The following CREB5 variants were observed in gnomAD, a reference collection of about 807,000 sequenced individuals.
CREB5 encodes cyclic AMP-responsive element-binding protein 5.
Under a neutral mutation model 57.1 loss-of-function variants are expected in CREB5, and 19 were observed. The ratio of observed to expected loss-of-function variants is 0.33; its 90% CI spans 0.23 to 0.49. CREB5 has a LOEUF of 0.49. Ranked by LOEUF, CREB5 falls within the 20% of genes least tolerant of loss-of-function variation. The pLI is 0.99. For synonymous variants in CREB5, 238 were observed against 238.3 expected (o/e 1.00, Z 0.01); for missense variants, 579 against 671.6 (o/e 0.86, Z 1.52).
At chr7:28,405,617 A>G (rs973512341) in intron 1 of CREB5, among the ~76,000 whole-genome samples, 31 of 152,044 alleles carry the variant, frequency 2.0e-4, no homozygotes, top group African/African-American at 7.2e-4. Context: ...CAGGCTGTCT[A>G]TGTTGCCCAA....
intron 1 of CREB5, among the ~76,000 whole-genome samples, chr7:28,324,399 T>C (rs1397747406): frequency 6.6e-6 from 1 of 152,162 alleles, no homozygotes; most frequent in African/African-American, 2.4e-5. Context: ...CAAGGCACCA[T>C]TACCTCCATG....
intron 5 of CREB5, among the ~76,000 whole-genome samples, chr7:28,648,337 A>T (rs185995759): frequency 1.3e-5 from 2 of 152,326 alleles, no homozygotes; most frequent in Admixed American, 1.3e-4. Context: ...CCTTTAAAAA[A>T]AGAGTATCCA....
intron 5 of CREB5, among the ~76,000 whole-genome samples, chr7:28,582,507 G>T (rs1411491500): frequency 6.6e-6 from 1 of 152,112 alleles, no homozygotes; most frequent in Admixed American, 6.5e-5. Flanking sequence ...TGTTTTCAAG[G>T]TGTTTCCATG....
In CREB5 at chr7:28,642,969, CACACACACACACACACAT is replaced by C. The variant is rs1314733319; in HGVS notation, c.464+72450_464+72467del. ...GTAGATTTACACACACACACACACA[CACACACACACACACACAT>C]ACACACACACACACACACACACACA... On this transcript the variant is annotated intron_variant, in intron 5 of 10. Transcript: ENST00000357727. Among the ~76,000 whole-genome samples the C allele has an allele frequency of 1.9e-3, 210 of 112,150 alleles. 1 individual carries two copies. Among genetic ancestry groups the C allele is most frequent in the Middle Eastern group, 4.5e-3 (1 of 222 alleles). 73.6% of individuals were successfully genotyped at this position (112,150 alleles called of 152,430 possible).
At chr7:28,366,446 A>C (rs1786588722) in intron 1 of CREB5, among the ~76,000 whole-genome samples, 1 of 152,086 alleles carries the variant, frequency 6.6e-6, no homozygotes, top group Non-Finnish European at 1.5e-5. Flanking sequence ...ACTACTACTT[A>C]TTGTTATTGT....
At chr7:28,668,325 C>A (rs1195154756) in intron 5 of CREB5, among the ~76,000 whole-genome samples, 1 of 152,094 alleles carries the variant, frequency 6.6e-6, no homozygotes, top group Non-Finnish European at 1.5e-5. Context: ...GCTTTGCATT[C>A]CAAAATGAAG....
At chr7:28,718,694 T>C (rs535845192) in intron 5 of CREB5, 59 bp from the exon 6 acceptor site, 3 of 1,601,510 alleles carry the variant, frequency 1.9e-6, no homozygotes, top group African/African-American at 1.3e-5. Flanking sequence ...TTCTGGACAC[T>C]GGGGAGACAG....
upstream of CREB5, chr7:28,410,077 C>G (rs187968108): frequency 2.5e-6 from 1 of 398,978 alleles, no homozygotes; most frequent in African/African-American, 2.1e-5. Context: ...GGTGGGCGCG[C>G]GCGCAGGGGG....
intron 5 of CREB5, among the ~76,000 whole-genome samples, chr7:28,639,464 C>T (rs1447594955): frequency 6.6e-6 from 1 of 152,118 alleles, no homozygotes; most frequent in Non-Finnish European, 1.5e-5. Flanking sequence ...CTTAGCTGCA[C>T]ATTTTTTCCT....
chr7:28,812,891 G>A (rs563694680), intron 9 of CREB5, among the ~76,000 whole-genome samples: 2 of 152,282 alleles, frequency 1.3e-5, no homozygotes, highest in East Asian at 1.9e-4. Flanking sequence ...AATATCCAAG[G>A]TCTGGATGGC....
At chr7:28,772,304 G>T (rs997802950) in intron 7 of CREB5, among the ~76,000 whole-genome samples, 1 of 152,182 alleles carries the variant, frequency 6.6e-6, no homozygotes, top group African/African-American at 2.4e-5. Flanking sequence ...AGCAATGAGG[G>T]CTGCAGGGTG....
At chr7:28,663,053 G>A (rs1011422577) in intron 5 of CREB5, among the ~76,000 whole-genome samples, 3 of 151,646 alleles carry the variant, frequency 2.0e-5, no homozygotes, top group African/African-American at 7.3e-5. Flanking sequence ...GCTGAGGTAG[G>A]AGAATCGCTT....
intron 7 of CREB5, among the ~76,000 whole-genome samples, chr7:28,729,060 T>G (rs1803476685): frequency 6.6e-6 from 1 of 152,234 alleles, no homozygotes; most frequent in Non-Finnish European, 1.5e-5. Context: ...TTATTGTCAA[T>G]ACCTCGTCTA....
chr7:28,727,072 G>A (rs1178283508), intron 7 of CREB5, among the ~76,000 whole-genome samples: 10 of 151,328 alleles, frequency 6.6e-5, no homozygotes, highest in South Asian at 2.1e-4. Context: ...GTTCTCCAGC[G>A]CATTAATCTA....
chr7:28,736,437 G>A (rs887163380), intron 7 of CREB5, among the ~76,000 whole-genome samples: 5 of 152,210 alleles, frequency 3.3e-5, no homozygotes, highest in African/African-American at 9.6e-5. Context: ...CCAAAGTGCT[G>A]GGATTACAGG....
intron 7 of CREB5, among the ~76,000 whole-genome samples, chr7:28,763,806 TA>T (rs1309866786): frequency 2.0e-4 from 20 of 100,910 alleles, no homozygotes; most frequent in Admixed American, 1.6e-3. Flanking sequence ...TTATTATTAT[TA>T]TTATTTTTTT....
intron 7 of CREB5, among the ~76,000 whole-genome samples, chr7:28,794,289 T>C (rs1048011378): frequency 1.3e-5 from 2 of 152,212 alleles, no homozygotes; most frequent in Admixed American, 1.3e-4. Context: ...GAGTAGTGTT[T>C]GTTAGCAAGA....
At chr7:28,501,661 G>A (rs1442439023) in intron 3 of CREB5, among the ~76,000 whole-genome samples, 1 of 152,026 alleles carries the variant, frequency 6.6e-6, no homozygotes, top group African/African-American at 2.4e-5. Context: ...AATCACCTTG[G>A]GTCCCCTAGC....
At chr7:28,347,201 G>A (rs893856367) in intron 1 of CREB5, among the ~76,000 whole-genome samples, 2 of 152,188 alleles carry the variant, frequency 1.3e-5, no homozygotes, top group African/African-American at 2.4e-5. Flanking sequence ...TATTTCTTAA[G>A]GCACTGATGT....
Sources: allele counts gnomAD v4.1 joint callset (sites outside exome capture counted in the v4.1 genomes callset), GRCh38; gene constraint gnomAD v4.1.1; transcripts MANE v1.5; gene names NCBI Gene and HGNC (gene_info 2026-07-23, HGNC 2026-07-21).